The following LDLRAD3 variants were observed in gnomAD, a reference collection of about 807,000 sequenced individuals.
LDLRAD3 encodes low density lipoprotein receptor class A domain containing 3.
Under a neutral mutation model 29.4 loss-of-function variants are expected in LDLRAD3, and 20 were observed. That is an observed-to-expected ratio of 0.68 (90% CI 0.48 to 0.99). The LOEUF is 0.99. Ranked by LOEUF, LDLRAD3 falls within the 50% of genes least tolerant of loss-of-function variation. The probability of loss-of-function intolerance (pLI) is 0.00; values close to 1 mark genes in which losing one functional copy is unlikely to be tolerated. For missense variants in LDLRAD3, 420 were observed against 454.3 expected (o/e 0.92, Z 0.69); for synonymous variants, 157 against 192.7 (o/e 0.81, Z 1.53).
intron 4 of LDLRAD3, among the ~76,000 whole-genome samples, chr11:36,118,197 G>A (rs952934448): frequency 4.6e-5 from 7 of 152,150 alleles, no homozygotes; most frequent in African/African-American, 1.7e-4. Context: ...TACTCTGGTT[G>A]AAAGGTGTTA....
chr11:36,097,771 T>C (rs1007977573), intron 3 of LDLRAD3, among the ~76,000 whole-genome samples: 10 of 152,124 alleles, frequency 6.6e-5, no homozygotes, highest in Admixed American at 2.0e-4. Context: ...GATCACATCA[T>C]GCATTATGTA....
chr11:36,134,692 G>A (rs1450482103), intron 4 of LDLRAD3, among the ~76,000 whole-genome samples: 3 of 152,184 alleles, frequency 2.0e-5, no homozygotes, highest in East Asian at 1.9e-4. Context: ...CATCTGTTAC[G>A]GACCTCATTG....
At position 36,103,482 on chromosome 11, in the gene LDLRAD3, G is replaced by A. The variant is rs868628696; in HGVS notation, c.454+5021G>A. On this transcript the variant is annotated intron_variant, in intron 4 of 5. Transcript: ENST00000315571. ...TCTCCATCTCCTGACCTCATGATCCGCCCGCCTCGGCCTCCCAAAGTGCTG... is the reference window on the plus strand; with the variant it reads ...TCTCCATCTCCTGACCTCATGATCCACCCGCCTCGGCCTCCCAAAGTGCTG... 2.2e-4 allele frequency among the ~76,000 whole-genome samples: 34 copies of A among 151,994 alleles called. No individual in the cohort carries two copies. In the South Asian group the frequency reaches 2.7e-3, roughly 12 times the overall value.
At chr11:35,945,624 T>C (rs1240448239) in intron 1 of LDLRAD3, among the ~76,000 whole-genome samples, 3 of 151,852 alleles carry the variant, frequency 2.0e-5, no homozygotes, top group Admixed American at 1.3e-4. Flanking sequence ...TCTACAGATA[T>C]GAAGACCTGT....
chr11:36,062,569 C>T (rs988441624), intron 2 of LDLRAD3, among the ~76,000 whole-genome samples: 1 of 152,186 alleles, frequency 6.6e-6, no homozygotes, highest in African/African-American at 2.4e-5. Flanking sequence ...CAAATCTCAT[C>T]TTGAATTGTA....
intron 4 of LDLRAD3, among the ~76,000 whole-genome samples, chr11:36,145,201 A>G (rs1854165294): frequency 1.6e-5 from 1 of 63,074 alleles, no homozygotes; most frequent in African/African-American, 5.4e-5. Context: ...TCCGGGAGGG[A>G]GGTGGGGGGG....
chr11:35,961,972 T>C (rs938233456), intron 1 of LDLRAD3, among the ~76,000 whole-genome samples: 1 of 152,166 alleles, frequency 6.6e-6, no homozygotes, highest in Non-Finnish European at 1.5e-5. Context: ...GTGATCCTGT[T>C]TGTGGTCTTA....
At chr11:36,216,833 T>C (rs181088327) in intron 4 of LDLRAD3, among the ~76,000 whole-genome samples, 1 of 152,292 alleles carries the variant, frequency 6.6e-6, no homozygotes, top group East Asian at 1.9e-4. Context: ...AGATTGAGTA[T>C]TCATTGAAGT....
intron 4 of LDLRAD3, among the ~76,000 whole-genome samples, chr11:36,113,926 G>A (rs1040257065): frequency 2.0e-5 from 3 of 152,156 alleles, no homozygotes; most frequent in East Asian, 1.9e-4. Context: ...CACCTGCCTC[G>A]GCCTCCCAAA....
chr11:36,025,298 G>T (rs181322971), intron 1 of LDLRAD3, among the ~76,000 whole-genome samples: 7 of 151,802 alleles, frequency 4.6e-5, no homozygotes, highest in Non-Finnish European at 1.0e-4. Context: ...TTTTTAAAGG[G>T]TAGCGAAAAG....
At chr11:36,086,804 A>ATT (rs1398850104) in intron 3 of LDLRAD3, among the ~76,000 whole-genome samples, 1 of 152,184 alleles carries the variant, frequency 6.6e-6, no homozygotes, top group Non-Finnish European at 1.5e-5. Context: ...TACTGCATGC[A>ATT]TTCTCTTCAG....
At chr11:36,097,281 G>T (rs1853374613) in intron 3 of LDLRAD3, among the ~76,000 whole-genome samples, 1 of 152,204 alleles carries the variant, frequency 6.6e-6, no homozygotes, top group Admixed American at 6.5e-5. Flanking sequence ...GAATAAGTGA[G>T]GAATTAAAAG....
chr11:36,078,473 C>T (rs551581958), intron 2 of LDLRAD3, among the ~76,000 whole-genome samples: 6 of 152,316 alleles, frequency 3.9e-5, no homozygotes, highest in Non-Finnish European at 4.4e-5. Context: ...TGAGCGTGCA[C>T]ACATCCGGCT....
At chr11:36,145,114 T>G (rs1303487390) in intron 4 of LDLRAD3, among the ~76,000 whole-genome samples, 3 of 84,238 alleles carry the variant, frequency 3.6e-5, no homozygotes, top group Admixed American at 1.1e-4. Flanking sequence ...GGTTGGGGGG[T>G]CAGCCCCCCG....
At chr11:36,014,203 G>A (rs938893090) in intron 1 of LDLRAD3, among the ~76,000 whole-genome samples, 5 of 152,206 alleles carry the variant, frequency 3.3e-5, no homozygotes, top group African/African-American at 9.6e-5. Context: ...TTGGAGAGGT[G>A]TCTGGAGATG....
At chr11:36,209,537 T>A (rs1307179676) in intron 4 of LDLRAD3, among the ~76,000 whole-genome samples, 1 of 151,992 alleles carries the variant, frequency 6.6e-6, no homozygotes, top group Non-Finnish European at 1.5e-5. Flanking sequence ...TTTTTGTATT[T>A]TTAGTAGAGA....
At chr11:36,068,489 G>C (rs898894658) in intron 2 of LDLRAD3, among the ~76,000 whole-genome samples, 1 of 152,122 alleles carries the variant, frequency 6.6e-6, no homozygotes, top group Admixed American at 6.5e-5. Flanking sequence ...CAGTGATTAC[G>C]TGGTGGAACT....
chr11:35,944,550 G>C lies in LDLRAD3; in HGVS notation c.46+406G>C, dbSNP rs998799399. On this transcript the variant is annotated intron_variant, in intron 1 of 5. Transcript: ENST00000315571. The surrounding 1 kb of genome is among the most constrained non-coding windows in gnomAD (Gnocchi z 4.9). ...CCTGGTCTCATCTTCCCAGACGCCT[G>C]GTCGCGCGCGGCTGCGTTAGCCTCC... 6.6e-6 allele frequency among the ~76,000 whole-genome samples: 1 copy of C among 152,154 alleles called. No homozygotes were observed. The highest frequency in any genetic ancestry group is 2.4e-5 in the African/African-American group (1 of 41,442).
At chr11:35,950,826 G>A (rs931269571) in intron 1 of LDLRAD3, among the ~76,000 whole-genome samples, 10 of 152,208 alleles carry the variant, frequency 6.6e-5, no homozygotes, top group Non-Finnish European at 8.8e-5. Flanking sequence ...ACTCATGCCT[G>A]TAATCCCAGC....
Sources: gnomAD v4.1 joint callset for allele counts (sites outside exome capture counted in the v4.1 genomes callset) on GRCh38, gnomAD v4.1.1 for gene constraint, Gnocchi (gnomAD v3.1) non-coding constraint, MANE v1.5 for transcripts, NCBI Gene and HGNC (gene_info 2026-07-23, HGNC 2026-07-21) for gene names.